CNTN5: variants seen among roughly 807,000 people sequenced by gnomAD.
CNTN5 encodes contactin 5, also known as contactin-5.
CNTN5 carries 77 observed loss-of-function variants against 129.1 expected under a neutral mutation model. The observed-to-expected ratio is 0.60, with a 90% confidence interval of 0.50 to 0.72. The LOEUF (loss-of-function observed/expected upper bound fraction) is 0.72. CNTN5 is among the 30% of genes least tolerant of loss of function. The pLI is 0.00. For missense variants in CNTN5, 1,478 were observed against 1,328.8 expected, an observed-to-expected ratio of 1.11 and a Z score of -1.75; for synonymous variants, 509 against 465.6, an observed-to-expected ratio of 1.09 and a Z score of -1.20.
intron 2 of CNTN5, among the ~76,000 whole-genome samples, chr11:99,392,326 A>C (rs1941306086): frequency 6.6e-6 from 1 of 151,884 alleles, no homozygotes; most frequent in South Asian, 2.1e-4. Flanking sequence ...GGACAATAGC[A>C]AAAATAGGAG....
chr11:99,325,136 A>G (rs997366550), intron 1 of CNTN5, among the ~76,000 whole-genome samples: 5 of 152,046 alleles, frequency 3.3e-5, no homozygotes, highest in African/African-American at 1.2e-4. Context: ...AATATAAATT[A>G]TAAAGGAAAA....
At chr11:99,732,211 A>T (rs1246724630) in intron 3 of CNTN5, among the ~76,000 whole-genome samples, 1 of 150,606 alleles carries the variant, frequency 6.6e-6, no homozygotes, top group African/African-American at 2.4e-5. Context: ...GATAGTGAAT[A>T]ATGAAAAACT....
chr11:99,554,304 A>G (rs3809012), intron 2 of CNTN5, among the ~76,000 whole-genome samples: 11,444 of 151,978 alleles, frequency 0.075, 887 homozygotes, highest in East Asian at 0.35. Flanking sequence ...GTCTTTCCAC[A>G]CTGTTCCACT....
At chr11:99,634,908 C>G (rs1951495292) in intron 3 of CNTN5, among the ~76,000 whole-genome samples, 1 of 152,134 alleles carries the variant, frequency 6.6e-6, no homozygotes, top group Admixed American at 6.5e-5. Flanking sequence ...TAGCAAGAGA[C>G]AGATATGGAA....
intron 3 of CNTN5, among the ~76,000 whole-genome samples, chr11:99,659,519 T>C (rs1034591843): frequency 6.6e-6 from 1 of 152,164 alleles, no homozygotes; most frequent in African/African-American, 2.4e-5. Context: ...TATATGTATA[T>C]AGACAGATTT....
chr11:99,832,900 C>G (rs1947188966), intron 4 of CNTN5, among the ~76,000 whole-genome samples: 1 of 152,142 alleles, frequency 6.6e-6, no homozygotes, highest in South Asian at 2.1e-4. Flanking sequence ...GCAGGCAGAA[C>G]AGTTGCAGCC....
rs149887269 is a variant in CNTN5 at position 99,557,694 on chromosome 11, T to C, written c.55+1425T>C. ...TAATGTACCAAAAGTATAACTTCAA[T>C]TATGTATGATATATGAGTCTTCTTT... On this transcript the variant is annotated intron_variant, in intron 3 of 24. Transcript: ENST00000524871. 3.1e-3 allele frequency among the ~76,000 whole-genome samples: 477 copies of C among 151,760 alleles called. 2 individuals carry two copies. Among genetic ancestry groups the C allele is most frequent in the Non-Finnish European group, 3.2e-3 (215 of 67,650 alleles).
At chr11:100,032,891 A>C (rs1179359352) in intron 9 of CNTN5, among the ~76,000 whole-genome samples, 1 of 152,172 alleles carries the variant, frequency 6.6e-6, no homozygotes, top group Non-Finnish European at 1.5e-5. Context: ...TTCCAGCTTC[A>C]GTTCCATTAT....
At chr11:99,168,263 C>G (rs1279989222) in intron 1 of CNTN5, among the ~76,000 whole-genome samples, 1 of 151,682 alleles carries the variant, frequency 6.6e-6, no homozygotes, top group African/African-American at 2.4e-5. Context: ...TATTTTTGTA[C>G]AGGAAATGTA....
At chr11:99,787,685 A>G (rs945279608) in intron 3 of CNTN5, among the ~76,000 whole-genome samples, 1 of 152,088 alleles carries the variant, frequency 6.6e-6, no homozygotes, top group African/African-American at 2.4e-5. Flanking sequence ...GTTACCAGAT[A>G]TGAGTCAAGA....
chr11:99,767,124 T>C (rs879862472), intron 3 of CNTN5, among the ~76,000 whole-genome samples: 2 of 152,116 alleles, frequency 1.3e-5, no homozygotes, highest in African/African-American at 2.4e-5. Flanking sequence ...TCTCTCTCTC[T>C]TTCTCTACTT....
intron 13 of CNTN5, among the ~76,000 whole-genome samples, chr11:100,124,366 A>G (rs1946117813): frequency 6.6e-6 from 1 of 152,154 alleles, no homozygotes; most frequent in Admixed American, 6.6e-5. Context: ...TCTTACATAA[A>G]CTATACATAA....
intron 3 of CNTN5, among the ~76,000 whole-genome samples, chr11:99,780,175 T>A (rs893957458): frequency 2.7e-5 from 4 of 146,076 alleles, no homozygotes; most frequent in Non-Finnish European, 4.4e-5. Context: ...TCCTTCTTAG[T>A]TTTTTTCCCC....
intron 2 of CNTN5, among the ~76,000 whole-genome samples, chr11:99,358,275 T>TTTTTTTTTTTTTTTTTTTTA (rs1938849162): frequency 7.8e-6 from 1 of 128,238 alleles, no homozygotes; most frequent in Non-Finnish European, 1.7e-5. Flanking sequence ...TTTTTTTTTT[T>TTTTTTTTTTTTTTTTTTTTA]AGTAGAGATG....
chr11:99,323,514 A>G (rs1865656258), intron 1 of CNTN5, among the ~76,000 whole-genome samples: 1 of 152,140 alleles, frequency 6.6e-6, no homozygotes, highest in South Asian at 2.1e-4. Flanking sequence ...TATTTGCTCA[A>G]TATGTGCTAG....
At chr11:99,102,264 G>A (rs1866771606) in intron 1 of CNTN5, among the ~76,000 whole-genome samples, 1 of 147,670 alleles carries the variant, frequency 6.8e-6, no homozygotes, top group Non-Finnish European at 1.5e-5. Context: ...GTGATGGGAG[G>A]GGCTGCTGCA....
At chr11:99,984,326 A>G (rs975430754) in intron 8 of CNTN5, among the ~76,000 whole-genome samples, 1 of 151,764 alleles carries the variant, frequency 6.6e-6, no homozygotes, top group Non-Finnish European at 1.5e-5. Flanking sequence ...AAGGGAGAAG[A>G]GGAAGGGAGA....
intron 9 of CNTN5, among the ~76,000 whole-genome samples, chr11:100,048,020 A>G (rs894654102): frequency 2.0e-5 from 3 of 152,078 alleles, no homozygotes; most frequent in African/African-American, 7.2e-5. Context: ...AGTCCCAGCT[A>G]CTGGGGGTGC....
At chr11:99,580,476 G>A (rs1324374948) in intron 3 of CNTN5, among the ~76,000 whole-genome samples, 1 of 151,954 alleles carries the variant, frequency 6.6e-6, no homozygotes, top group East Asian at 1.9e-4. Flanking sequence ...TTTTTTGGTT[G>A]GTAATCTATT....
Sources: allele counts gnomAD v4.1 joint callset (sites outside exome capture counted in the v4.1 genomes callset), GRCh38; gene constraint gnomAD v4.1.1; transcripts MANE v1.5; gene names NCBI Gene and HGNC (gene_info 2026-07-23, HGNC 2026-07-21).